Variants in NEB observed in about 807,000 individuals in gnomAD.
The protein encoded by NEB is nemaline myopathy type 2.
NEB carries 512 observed loss-of-function variants against 952.2 expected under a neutral mutation model. The observed-to-expected ratio is 0.54, with a 90% CI of 0.50 to 0.58. The LOEUF is 0.58. Among genes scored for constraint, NEB ranks in the 20% least tolerant of loss-of-function variants. The probability of loss-of-function intolerance (pLI) is 0.00; values close to 1 mark genes in which losing one functional copy is unlikely to be tolerated. For missense variants in NEB, 8,428 were observed against 9,231.1 expected, an observed-to-expected ratio of 0.91 and a Z score of 3.56; for synonymous variants, 2,900 against 3,149.8, an observed-to-expected ratio of 0.92 and a Z score of 2.66.
intron 168 of NEB, among the ~76,000 whole-genome samples, chr2:151,500,469 A>AAAAG (rs917104422): frequency 1.3e-5 from 2 of 152,126 alleles, no homozygotes; most frequent in Non-Finnish European, 2.9e-5. Flanking sequence ...CAATATTAAT[A>AAAAG]AAAGATAACA....
intron 167 of NEB, 95 bp from the exon 168 acceptor site, chr2:151,501,578 TG>T: frequency 4.9e-6 from 3 of 615,734 alleles, no homozygotes; most frequent in Non-Finnish European, 7.7e-6. Context: ...GTATTTTTAT[TG>T]TTGTTTTTAT....
chr2:151,601,024 C>T (rs1348413860), intron 88 of NEB, among the ~76,000 whole-genome samples: 1 of 81,726 alleles, frequency 1.2e-5, no homozygotes, highest in African/African-American at 6.4e-5. Context: ...TGTTTTGTCA[C>T]ACACAAGTAC....
chr2:151,617,582 A>T, intron 74 of NEB, 114 bp from the exon 75 acceptor site: 1 of 605,198 alleles, frequency 1.7e-6, no homozygotes. Context: ...GGTAGAAATA[A>T]AATTATTAAA....
chr2:151,551,610 T>C, intron 129 of NEB, 128 bp downstream of exon 129: 1 of 722,230 alleles, frequency 1.4e-6, no homozygotes, highest in Non-Finnish European at 2.3e-6. Flanking sequence ...GTGTTTTTGT[T>C]TTTTCACCTC....
chr2:151,696,679 A>G lies in NEB; in HGVS notation c.1527T>C (p.Pro509=), dbSNP rs1248420124. The change falls in exon 17 of 182, where the codon CCT becomes CCC. Residue 509 remains proline, a synonymous_variant. Coordinates refer to ENST00000397345, the MANE Select transcript of NEB (RefSeq NM_001164508.2). ...AATTGACTTGGGCTTGTAGCAGAACAGGAGAGTCTGTAACTTGGGTGAATT... is the reference window on the plus strand; with the variant it reads ...AATTGACTTGGGCTTGTAGCAGAACGGGAGAGTCTGTAACTTGGGTGAATT... ...KTKFTQVTDS[P]VLLQAQVNSK... is the part of the protein sequence containing the mutation. 2 of 1,613,886 alleles carry G rather than the reference A, an allele frequency of 1.2e-6. No homozygotes were observed. Among genetic ancestry groups the G allele is most frequent in the South Asian group, 1.1e-5 (1 of 91,086 alleles).
Position 151,610,846 on chromosome 2 carries a change from C to G in NEB, c.11826G>C (p.Trp3942Cys), listed in dbSNP as rs759613419. Residue 3942 changes from tryptophan (W) to cysteine (C), a missense_variant, in exon 79 of 182, where the codon TGG (tryptophan) becomes TGC (cysteine). This residue lies in a region of NEB where 337 missense variants were observed against 297.5 expected (regional missense o/e 1.13). Transcript: ENST00000397345. Reference sequence around the variant, plus strand: ...CGTGGATGGAGGTTTTGTCAGCATCCCAAGCTTCTGTGTATAAATGCTACA... The same window carrying G: ...CGTGGATGGAGGTTTTGTCAGCATCGCAAGCTTCTGTGTATAAATGCTACA... The part of the protein sequence containing the change: ...TMSKHLYTEA[W>C]DADKTSIHVM... 3.8e-6 allele frequency: 6 copies of G among 1,597,156 alleles called. No homozygotes were observed. The highest frequency in any genetic ancestry group is 5.1e-6 in the Non-Finnish European group (6 of 1,171,116).
intron 157 of NEB, among the ~76,000 whole-genome samples, chr2:151,515,538 A>T (rs550391834): frequency 1.0e-3 from 153 of 152,190 alleles, no homozygotes; most frequent in African/African-American, 3.6e-3. Flanking sequence ...AAAATCACTG[A>T]ATAGCTTAGG....
intron 32 of NEB, 42 bp downstream of exon 32, chr2:151,679,679 C>A (rs778771950): frequency 4.4e-6 from 4 of 913,060 alleles, no homozygotes; most frequent in South Asian, 2.8e-5. Flanking sequence ...CCCACCCACC[C>A]ACATTTTCTA....
chr2:151,642,478 T>A (rs2098886759), intron 60 of NEB, 96 bp downstream of exon 60: 1 of 1,030,908 alleles, frequency 9.7e-7, no homozygotes, highest in South Asian at 1.6e-5. Flanking sequence ...AGCAACAGCT[T>A]TAACCTCATG....
intron 2 of NEB, 122 bp downstream of exon 2, chr2:151,733,590 T>C (rs1312650718): frequency 6.4e-6 from 1 of 157,370 alleles, no homozygotes; most frequent in Non-Finnish European, 1.4e-5. Flanking sequence ...GCACCAAAAT[T>C]CTAAGAGGGC....
chr2:151,533,333 A>G (rs932522324), intron 143 of NEB, 109 bp downstream of exon 143: 4 of 724,908 alleles, frequency 5.5e-6, no homozygotes, highest in Non-Finnish European at 9.3e-6. Flanking sequence ...GCTTTACCAT[A>G]TGAAGCCAGC....
intron 131 of NEB, among the ~76,000 whole-genome samples, 159 bp from the exon 132 acceptor site, chr2:151,547,897 A>G (rs1378222208): frequency 1.3e-5 from 2 of 152,178 alleles, no homozygotes; most frequent in Non-Finnish European, 2.9e-5. Flanking sequence ...AATGAGAGTT[A>G]TTTCATTTAG....
intron 174 of NEB, 46 bp downstream of exon 174, chr2:151,494,115 A>G: frequency 2.0e-6 from 3 of 1,489,512 alleles, no homozygotes; most frequent in Non-Finnish European, 2.8e-6. Flanking sequence ...AAACTGCAAG[A>G]GTTATTTTGC....
chr2:151,542,737 C>G (rs1036499135), intron 135 of NEB, among the ~76,000 whole-genome samples: 1 of 152,174 alleles, frequency 6.6e-6, no homozygotes, highest in Non-Finnish European at 1.5e-5. Flanking sequence ...TGGACCACCC[C>G]ACGTGAGTCA....
chr2:151,579,080 CAAAAAAAAA>C (rs1159995102), intron 105 of NEB, among the ~76,000 whole-genome samples: 4 of 31,712 alleles, frequency 1.3e-4, no homozygotes, highest in East Asian at 8.7e-4. Context: ...GACTCCATCT[CAAAAAAAAA>C]AAAAAAAAAA....
At chr2:151,506,111 G>A in intron 164 of NEB, 55 bp downstream of exon 164, 5 of 1,437,856 alleles carry the variant, frequency 3.5e-6, no homozygotes, top group Non-Finnish European at 4.9e-6. Context: ...ATAGGTCATT[G>A]TAAATTATCA....
chr2:151,539,811 A>G (rs2093773370), intron 138 of NEB, among the ~76,000 whole-genome samples: 1 of 152,208 alleles, frequency 6.6e-6, no homozygotes, highest in Non-Finnish European at 1.5e-5. Flanking sequence ...CATGATCTAT[A>G]TGCAATTAAG....
At chr2:151,504,983 A>G (rs2067637047) in intron 165 of NEB, among the ~76,000 whole-genome samples, 1 of 152,126 alleles carries the variant, frequency 6.6e-6, no homozygotes, top group Non-Finnish European at 1.5e-5. Flanking sequence ...GGAGGGGAGA[A>G]GAGACTTCAC....
In NEB at chr2:151,653,994, C is replaced by T. The variant is rs2099059509; in HGVS notation, c.6913G>A (p.Asp2305Asn). 1 of 1,602,590 alleles carries T rather than the reference C, an allele frequency of 6.2e-7. No individual in the cohort carries two copies. Among genetic ancestry groups the T allele is most frequent in the East Asian group, 2.2e-5 (1 of 44,754 alleles). The change falls in exon 52 of 182, where the codon GAT (aspartate) becomes AAT (asparagine). Residue 2305 changes from aspartate to asparagine, a missense_variant and splice_region_variant. Asp to Asn is a conservative substitution (Grantham distance 23, BLOSUM62 1). Around this residue, in one of 11 missense-constraint regions of NEB, gnomAD observed 2,851 missense variants for 2,791.5 expected, o/e 1.02. Transcript: ENST00000397345. ...LAKASRDIAS[D>N]YKYKQGYRKQ... is the part of the protein sequence containing the mutation. ...ATAGAACTCAAACTAGTACTCACAT[C>T]ACTAGCAATGTCTCTTGAAGCTTTA...
Sources: gnomAD v4.1 joint callset for allele counts (sites outside exome capture counted in the v4.1 genomes callset) on GRCh38, gnomAD v4.1.1 for gene constraint, gnomAD v4.1.1 regional missense constraint, MANE v1.5 for transcripts, NCBI Gene and HGNC (gene_info 2026-07-23, HGNC 2026-07-21) for gene names.